SPAST: variants seen among roughly 807,000 people sequenced by gnomAD.
The protein encoded by SPAST is spastin, also known as spastic paraplegia 4 (autosomal dominant; spastin).
Under a neutral mutation model 76.6 loss-of-function variants are expected in SPAST, and 30 were observed. That is an observed-to-expected ratio of 0.39 (90% CI 0.29 to 0.53). The LOEUF (loss-of-function observed/expected upper bound fraction) is 0.53, where lower values mean the gene tolerates loss of function less well. SPAST is among the 20% of genes least tolerant of loss of function. The pLI, the probability that SPAST is intolerant of heterozygous loss-of-function variation, is 0.68. For synonymous variants in SPAST, 305 were observed against 281.0 expected, an observed-to-expected ratio of 1.09 and a Z score of -0.86; for missense variants, 717 against 770.5, an observed-to-expected ratio of 0.93 and a Z score of 0.82.
intron 12 of SPAST, among the ~76,000 whole-genome samples, chr2:32,139,348 A>G (rs192434238): frequency 5.9e-5 from 9 of 152,306 alleles, no homozygotes; most frequent in African/African-American, 1.7e-4. Flanking sequence ...CACTGGCAAT[A>G]TGATTCTATA....
chr2:32,120,265 A>T (rs535902353), intron 7 of SPAST, among the ~76,000 whole-genome samples: 1 of 152,142 alleles, frequency 6.6e-6, no homozygotes, highest in African/African-American at 2.4e-5. Flanking sequence ...TACCTTTTCG[A>T]ATCTATTAAC....
intron 1 of SPAST, among the ~76,000 whole-genome samples, chr2:32,075,054 G>A (rs960547859): frequency 2.0e-5 from 3 of 151,932 alleles, no homozygotes; most frequent in Non-Finnish European, 4.4e-5. Context: ...TTAACTCTTC[G>A]TACTAGTTTC....
chr2:32,076,108 C>G (rs1231778411), intron 1 of SPAST, among the ~76,000 whole-genome samples: 2 of 151,572 alleles, frequency 1.3e-5, no homozygotes, highest in African/African-American at 4.9e-5. Flanking sequence ...GTCATGTTGT[C>G]CAGGCTAGCC....
At chr2:32,085,683 A>G (rs371874002) in intron 1 of SPAST, among the ~76,000 whole-genome samples, 4 of 152,126 alleles carry the variant, frequency 2.6e-5, no homozygotes, top group African/African-American at 9.7e-5. Flanking sequence ...AGAATCGGGG[A>G]GGTAGTACAT....
chr2:32,064,053 C>T lies in SPAST; in HGVS notation c.222C>T (p.Leu74=), dbSNP rs372332499. The stretch of plus-strand genomic sequence containing the variant: ...TGGTCGCCTTCCACCTGGGGCTCCT[C>T]TTCGTGTGGCTCTGCCAGCGCTTCT... ...LRLVAFHLGL[L]FVWLCQRFSR... The change falls in exon 1 of 17, where the codon CTC becomes CTT. Residue 74 remains leucine, a synonymous_variant. Coordinates refer to ENST00000315285, the MANE Select transcript of SPAST (RefSeq NM_014946.4). 54 of 1,613,176 alleles carry T rather than the reference C, an allele frequency of 3.3e-5. No individual in the cohort carries two copies. Among genetic ancestry groups the T allele is most frequent in the Non-Finnish European group, 4.2e-5 (50 of 1,179,534 alleles).
At chr2:32,137,213 A>G in intron 12 of SPAST, 25 bp downstream of exon 12, 2 of 1,491,062 alleles carry the variant, frequency 1.3e-6, no homozygotes, top group Non-Finnish European at 9.4e-7. Flanking sequence ...ATGGAAATAC[A>G]TGCATTTATT....
intron 2 of SPAST, among the ~76,000 whole-genome samples, chr2:32,088,702 C>G (rs1373427468): frequency 7.5e-6 from 1 of 133,830 alleles, no homozygotes; most frequent in Non-Finnish European, 1.6e-5. Flanking sequence ...TGTATTATAC[C>G]AGTAAGAGTA....
chr2:32,093,371 A>G (rs560344802), intron 3 of SPAST, among the ~76,000 whole-genome samples: 1 of 150,974 alleles, frequency 6.6e-6, no homozygotes, highest in African/African-American at 2.4e-5. Context: ...AATCTCACCT[A>G]CTTGGGAGGT....
At chr2:32,150,332 C>T (rs1200630051) in intron 16 of SPAST, among the ~76,000 whole-genome samples, 3 of 149,408 alleles carry the variant, frequency 2.0e-5, no homozygotes, top group South Asian at 2.1e-4. Context: ...CCTTGGGATC[C>T]GCCCACCTTG....
intron 1 of SPAST, among the ~76,000 whole-genome samples, chr2:32,070,321 G>A (rs1236958930): frequency 6.6e-6 from 1 of 152,058 alleles, no homozygotes; most frequent in Admixed American, 6.6e-5. Context: ...GCCTGCCTCA[G>A]CCTCCCAAAG....
At chr2:32,079,816 A>G (rs879755161) in intron 1 of SPAST, among the ~76,000 whole-genome samples, 2 of 152,200 alleles carry the variant, frequency 1.3e-5, no homozygotes, top group Admixed American at 1.3e-4. Flanking sequence ...CCTCGGCATG[A>G]GCCACTGTGT....
Position 32,154,537 on chromosome 2 carries a change from G to T in SPAST, c.*41G>T. ...AACCTGCAGAACATTTTACTTAAAA[G>T]AGGAAACACAAGATCTTCAATGAAC... On this transcript the variant is annotated 3_prime_UTR_variant, in exon 17 of 17. Transcript: ENST00000315285. 6.2e-7 allele frequency: 1 copy of T among 1,604,818 alleles called. No homozygotes were observed. Among genetic ancestry groups the T allele is most frequent in the Non-Finnish European group, 8.5e-7 (1 of 1,171,972 alleles).
At chr2:32,127,150 T>G (rs985554683) in intron 8 of SPAST, 128 bp downstream of exon 8, 22 of 741,958 alleles carry the variant, frequency 3.0e-5, no homozygotes, top group Non-Finnish European at 5.0e-5. Context: ...CTTTTGTTTT[T>G]TTTGTTTGTT....
intron 1 of SPAST, among the ~76,000 whole-genome samples, chr2:32,075,550 T>TC (rs1558614369): frequency 3.8e-5 from 5 of 130,760 alleles, no homozygotes; most frequent in African/African-American, 1.5e-4. Context: ...CTTTTTTCTT[T>TC]TTTTTTTTTT....
intron 4 of SPAST, among the ~76,000 whole-genome samples, chr2:32,110,667 A>AGTATATATAGTGTATATATACT (rs1271181094): frequency 6.7e-4 from 93 of 138,034 alleles, no homozygotes; most frequent in African/African-American, 2.4e-3. Flanking sequence ...TAGTATATAT[A>AGTATATATAGTGTATATATACT]GTATATATAG....
intron 1 of SPAST, among the ~76,000 whole-genome samples, chr2:32,065,163 G>A (rs113767019): frequency 3.9e-5 from 6 of 151,984 alleles, no homozygotes; most frequent in African/African-American, 1.5e-4. Context: ...GGGATTACAG[G>A]CACGCACCAC....
At chr2:32,131,063 A>G (rs1004858228) in intron 9 of SPAST, among the ~76,000 whole-genome samples, 5 of 152,202 alleles carry the variant, frequency 3.3e-5, no homozygotes, top group African/African-American at 9.6e-5. Context: ...CTCCATCACT[A>G]TGATAGAGAT....
At chr2:32,087,697 T>C in intron 2 of SPAST, 119 bp downstream of exon 2, 1 of 275,914 alleles carries the variant, frequency 3.6e-6, no homozygotes, top group Non-Finnish European at 6.3e-6. Flanking sequence ...TTCTTTTCTT[T>C]TTTTTTTTTT....
intron 9 of SPAST, among the ~76,000 whole-genome samples, chr2:32,131,954 C>T (rs1366086801): frequency 2.6e-5 from 4 of 151,722 alleles, no homozygotes; most frequent in African/African-American, 9.7e-5. Context: ...CCACCACACC[C>T]GGCCTACAGC....
Sources: gnomAD v4.1 joint callset for allele counts (sites outside exome capture counted in the v4.1 genomes callset) on GRCh38, gnomAD v4.1.1 for gene constraint, MANE v1.5 for transcripts, NCBI Gene and HGNC (gene_info 2026-07-23, HGNC 2026-07-21) for gene names.